GNB1L: variants seen among roughly 807,000 people sequenced by gnomAD.
GNB1L encodes guanine nucleotide-binding protein subunit beta-like protein 1.
GNB1L carries 20 observed loss-of-function variants against 29.1 expected under a neutral mutation model. The ratio of observed to expected loss-of-function variants is 0.69; its 90% CI spans 0.48 to 1.00. GNB1L has a LOEUF of 1.00. Among genes scored for constraint, GNB1L ranks in the 50% least tolerant of loss-of-function variants. The pLI is 0.00. For synonymous variants in GNB1L, 193 were observed against 206.5 expected, an observed-to-expected ratio of 0.93 and a Z score of 0.56; for missense variants, 421 against 464.9, an observed-to-expected ratio of 0.91 and a Z score of 0.87.
At chr22:19,807,118 C>T (rs958970506) in intron 5 of GNB1L, among the ~76,000 whole-genome samples, 1 of 152,110 alleles carries the variant, frequency 6.6e-6, no homozygotes, top group Non-Finnish European at 1.5e-5. Context: ...TTCTAAGACT[C>T]GCCCAGGAGC....
At chr22:19,824,508 G>A (rs746742364) in intron 2 of GNB1L, among the ~76,000 whole-genome samples, 1 of 152,250 alleles carries the variant, frequency 6.6e-6, no homozygotes, top group Non-Finnish European at 1.5e-5. Flanking sequence ...TTTGAAAAAT[G>A]AAAGGCAGTC....
chr22:19,834,873 A>C (rs1937737431), intron 2 of GNB1L, among the ~76,000 whole-genome samples: 1 of 152,210 alleles, frequency 6.6e-6, no homozygotes, highest in Non-Finnish European at 1.5e-5. Context: ...AATAAACATA[A>C]ATGCTCCCAA....
At chr22:19,808,308 G>C (rs1309898738) in intron 5 of GNB1L, among the ~76,000 whole-genome samples, 2 of 152,206 alleles carry the variant, frequency 1.3e-5, no homozygotes, top group Non-Finnish European at 2.9e-5. Context: ...AGGGGCCTCA[G>C]GGGGAGCCAA....
chr22:19,843,504 C>A (rs942490933), intron 2 of GNB1L, among the ~76,000 whole-genome samples: 2 of 152,240 alleles, frequency 1.3e-5, no homozygotes, highest in East Asian at 3.9e-4. Context: ...AATTTCCCAC[C>A]TCCCAGGGCT....
At chr22:19,838,909 G>T (rs1937810586) in intron 2 of GNB1L, among the ~76,000 whole-genome samples, 2 of 152,342 alleles carry the variant, frequency 1.3e-5, no homozygotes, top group South Asian at 2.1e-4. Context: ...AAACAGAAAT[G>T]TGAAAACTAT....
chr22:19,825,191 G>A (rs1479874375), intron 2 of GNB1L, among the ~76,000 whole-genome samples: 1 of 152,220 alleles, frequency 6.6e-6, no homozygotes, highest in African/African-American at 2.4e-5. Context: ...CAAGGGCATG[G>A]AACTAGCTCC....
chr22:19,851,948 C>A (rs1345773718), intron 2 of GNB1L: 2 of 1,614,074 alleles, frequency 1.2e-6, no homozygotes, highest in Non-Finnish European at 1.7e-6. Flanking sequence ...ATCAAAGGTG[C>A]CTGGGTCTGA....
chr22:19,794,445 G>C (rs1277348980), intron 7 of GNB1L, among the ~76,000 whole-genome samples: 6 of 152,152 alleles, frequency 3.9e-5, no homozygotes, highest in Admixed American at 3.9e-4. Context: ...CTCTTGGAGT[G>C]CAACCACTTA....
chr22:19,786,987 C>G lies in GNB1L; in HGVS notation c.*1722G>C, dbSNP rs1348580434. The G allele has an allele frequency of 1.3e-5, 2 of 152,292 alleles. No homozygotes were observed. The highest frequency in any genetic ancestry group is 1.9e-4 in the East Asian group (1 of 5,186). The allele number at this position is 152,292 out of a possible 1,614,324, so 9.4% of individuals were successfully genotyped here. A position where few individuals can be genotyped will look rare whatever the true frequency, so the allele number is the denominator to read the frequency against. Reference sequence around the variant, plus strand: ...AACGGAGCCAGGCCAGTACCCGAGCCAGGTGGTCTCCAAGCTTGGGCCAGG... The same window carrying G: ...AACGGAGCCAGGCCAGTACCCGAGCGAGGTGGTCTCCAAGCTTGGGCCAGG... On this transcript the variant is annotated 3_prime_UTR_variant, in exon 8 of 8. Transcript: ENST00000329517.
In GNB1L at chr22:19,812,246, G is replaced by A. The variant is rs747416102; in HGVS notation, c.417+39C>T. On this transcript the variant is annotated intron_variant, in intron 5 of 7. Transcript: ENST00000329517. ...TCAAATGCAGAGGATGAGCACAACT[G>A]TTTGGAGAACATGGGGCCTCAGGCA... The A allele has an allele frequency of 2.5e-6, 4 of 1,599,644 alleles. No homozygotes were observed. In the South Asian group the frequency reaches 4.5e-5, roughly 18 times the overall value.
In GNB1L at chr22:19,827,531, T is replaced by G. The variant is rs548537259; in HGVS notation, c.-20-6156A>C. ...ACAAAAGCAAACACCGAAAGAAAAA[T>G]AAGCAAAAGGCTTGGACAGATATTT... On this transcript the variant is annotated intron_variant, in intron 2 of 7. Coordinates refer to ENST00000329517, the MANE Select transcript of GNB1L (RefSeq NM_053004.3). Among the ~76,000 whole-genome samples the G allele has an allele frequency of 3.3e-5, 5 of 152,028 alleles. No individual in the cohort carries two copies. In the East Asian group the frequency reaches 9.7e-4, roughly 29 times the overall value.
rs986325432 is a variant in GNB1L, at chr22:19,797,813, C to T, written c.732+4188G>A. Among the ~76,000 whole-genome samples the T allele has an allele frequency of 7.2e-5, 11 of 152,188 alleles. No individual in the cohort carries two copies. In the East Asian group the frequency reaches 1.2e-3, roughly 16 times the overall value. ...CCAGGGCCCGGGGCCCCCTGGTTCA[C>T]GGACTTACCAAGGCCTGCAGCCCTG... On this transcript the variant is annotated intron_variant, in intron 7 of 7. Transcript: ENST00000329517.
chr22:19,819,290 A>C (rs1379291767), intron 4 of GNB1L, among the ~76,000 whole-genome samples: 6 of 152,212 alleles, frequency 3.9e-5, no homozygotes, highest in Non-Finnish European at 1.5e-5. Context: ...TGAGCTGGGT[A>C]ACCTCAGGAT....
intron 2 of GNB1L, among the ~76,000 whole-genome samples, chr22:19,838,908 T>A (rs1326833007): frequency 6.6e-6 from 1 of 152,222 alleles, no homozygotes; most frequent in Non-Finnish European, 1.5e-5. Flanking sequence ...AAAACAGAAA[T>A]GTGAAAACTA....
At position 19,849,875 on chromosome 22, in the gene GNB1L, T is replaced by C. The variant is rs1938054055; in HGVS notation, c.-21+4568A>G. 1.1e-5 allele frequency: 11 copies of C among 985,476 alleles called. No individual in the cohort carries two copies. In the Middle Eastern group the frequency reaches 2.1e-3, roughly 187 times the overall value. The allele number at this position is 985,476 out of a possible 1,614,324, so 61.0% of individuals were successfully genotyped here. A position where few individuals can be genotyped will look rare whatever the true frequency, so the allele number is the denominator to read the frequency against. On this transcript the variant is annotated intron_variant, in intron 2 of 7. Coordinates refer to ENST00000329517, the MANE Select transcript of GNB1L (RefSeq NM_053004.3). ...ACTGCACACACTGGGCGGCTGTACC[T>C]GCCTATCCTGTGGTAAACTTGGCTC...
chr22:19,829,867 C>T (rs1037058253), intron 2 of GNB1L, among the ~76,000 whole-genome samples: 2 of 151,742 alleles, frequency 1.3e-5, no homozygotes, highest in Non-Finnish European at 1.5e-5. Flanking sequence ...ATATATACAT[C>T]CCCCTTGGTC....
intron 2 of GNB1L, chr22:19,849,334 A>T (rs1199009954): frequency 2.1e-6 from 2 of 933,160 alleles, no homozygotes; most frequent in Non-Finnish European, 2.5e-6. Context: ...TAATCCCAAC[A>T]ATTTATATTT....
chr22:19,850,721 G>T, intron 2 of GNB1L: 1 of 1,236,910 alleles, frequency 8.1e-7, no homozygotes, highest in Non-Finnish European at 1.0e-6. Flanking sequence ...TAGGGGGACA[G>T]ACACAGAAAC....
intron 3 of GNB1L, among the ~76,000 whole-genome samples, 157 bp downstream of exon 3, chr22:19,821,069 AGT>A (rs1272428099): frequency 6.6e-6 from 1 of 152,182 alleles, no homozygotes; most frequent in Non-Finnish European, 1.5e-5. Context: ...CCCAAGGGAC[AGT>A]GTGTCTGCTG....
Sources: allele counts gnomAD v4.1 joint callset (sites outside exome capture counted in the v4.1 genomes callset), GRCh38; gene constraint gnomAD v4.1.1; transcripts MANE v1.5; gene names NCBI Gene and HGNC (gene_info 2026-07-23, HGNC 2026-07-21).